The following TG variants were observed in gnomAD, a reference collection of about 807,000 sequenced individuals.
TG encodes thyroid hormones.
Under a neutral mutation model 324.7 loss-of-function variants are expected in TG, and 270 were observed. That is an observed-to-expected ratio of 0.83 (90% CI 0.75 to 0.92). The LOEUF is 0.92. Ranked by LOEUF, TG falls within the 40% of genes least tolerant of loss-of-function variation. The pLI is 0.00. For synonymous variants in TG, 1,401 were observed against 1,327.0 expected, an observed-to-expected ratio of 1.06 and a Z score of -1.21; for missense variants, 3,591 against 3,456.4, an observed-to-expected ratio of 1.04 and a Z score of -0.98.
chr8:133,037,547 A>G (rs1336178418), intron 41 of TG: 1 of 152,056 alleles, frequency 6.6e-6, no homozygotes, highest in African/African-American at 2.4e-5. Flanking sequence ...ATCCTAAGCC[A>G]TGAGCTGATT....
Position 133,021,993 on chromosome 8 carries a change from C to G in TG, c.6879C>G (p.Ala2293=). The change falls in exon 40 of 48, where the codon GCC becomes GCG. Residue 2293 remains alanine, a splice_region_variant and synonymous_variant. Transcript: ENST00000220616. ...TCATGTTTCTCCAATACCCACAGGC[C>G]CCTAACGCGTCTGTGCTGGTGTTCT... ...YLNVFIPQNV[A]PNASVLVFFH... 6.2e-7 allele frequency: 1 copy of G among 1,614,108 alleles called. No individual in the cohort carries two copies. The highest frequency in any genetic ancestry group is 1.1e-5 in the South Asian group (1 of 91,070).
intron 41 of TG, chr8:133,073,064 T>C (rs1216333647): frequency 1.3e-5 from 2 of 152,250 alleles, no homozygotes; most frequent in Non-Finnish European, 2.9e-5. Context: ...AGATAGTACA[T>C]GTAAACTTCT....
chr8:132,973,356 G>A (rs1176967571), intron 34 of TG, among the ~76,000 whole-genome samples: 1 of 152,098 alleles, frequency 6.6e-6, no homozygotes, highest in African/African-American at 2.4e-5. Context: ...TGCATATAGA[G>A]TTAGGACTTC....
intron 41 of TG, among the ~76,000 whole-genome samples, chr8:133,067,018 T>A (rs1843130391): frequency 6.6e-6 from 1 of 152,194 alleles, no homozygotes; most frequent in Non-Finnish European, 1.5e-5. Context: ...CCGCCGTGAC[T>A]GTACCCAGTA....
At chr8:133,064,359 A>G (rs1340269159) in intron 41 of TG, among the ~76,000 whole-genome samples, 2 of 152,276 alleles carry the variant, frequency 1.3e-5, no homozygotes, top group East Asian at 3.8e-4. Flanking sequence ...CTACAGGATC[A>G]AGGGAAGACA....
chr8:132,989,636 T>A (rs1459555834), intron 35 of TG, among the ~76,000 whole-genome samples: 1 of 152,228 alleles, frequency 6.6e-6, no homozygotes, highest in Non-Finnish European at 1.5e-5. Context: ...CCAACAGCTT[T>A]TGAACCACAC....
intron 27 of TG, among the ~76,000 whole-genome samples, chr8:132,958,892 TCTC>T (rs1564004383): frequency 6.6e-6 from 1 of 151,996 alleles, no homozygotes; most frequent in Non-Finnish European, 1.5e-5. Flanking sequence ...TATGGTGAGG[TCTC>T]CTCTGCAGTG....
At chr8:133,027,887 G>A (rs1439943490) in intron 40 of TG, among the ~76,000 whole-genome samples, 4 of 152,140 alleles carry the variant, frequency 2.6e-5, no homozygotes, top group Admixed American at 1.3e-4. Flanking sequence ...ATGTTGGACC[G>A]TAATTGCTTG....
chr8:133,127,308 T>C (rs910697000), intron 45 of TG, among the ~76,000 whole-genome samples: 6 of 152,172 alleles, frequency 3.9e-5, no homozygotes, highest in Non-Finnish European at 7.3e-5. Context: ...AGCTGAGAAC[T>C]TGTGCAATGG....
intron 41 of TG, chr8:133,074,897 G>A: frequency 1.0e-6 from 1 of 985,556 alleles, no homozygotes; most frequent in Non-Finnish European, 1.2e-6. Context: ...TCTGCAGAGG[G>A]ATTGCTGGGT....
rs145504403 is a variant in TG at position 132,919,910 on chromosome 8, T to C, written c.4528+385T>C. ...GTGTTGCCTCATTCAGTGCTCCCAA[T>C]ACCTCTTCCAATATTAGTAGCCCAG... On this transcript the variant is annotated intron_variant, in intron 21 of 47. Transcript: ENST00000220616. 9.2e-5 allele frequency among the ~76,000 whole-genome samples: 14 copies of C among 152,338 alleles called. No homozygotes were observed. In the East Asian group the frequency reaches 2.3e-3, roughly 25 times the overall value.
chr8:133,080,057 A>G (rs191139844), intron 41 of TG, among the ~76,000 whole-genome samples: 265 of 152,270 alleles, frequency 1.7e-3, no homozygotes, highest in Non-Finnish European at 2.9e-3. Flanking sequence ...GAGTAAAGTC[A>G]TAGAAGGGAA....
At chr8:133,051,203 T>C (rs927627653) in intron 41 of TG, among the ~76,000 whole-genome samples, 3 of 152,256 alleles carry the variant, frequency 2.0e-5, no homozygotes, top group Non-Finnish European at 4.4e-5. Context: ...AGTCATGGGG[T>C]CTGGCTTCAG....
intron 23 of TG, 42 bp from the exon 24 acceptor site, chr8:132,933,519 C>G (rs555314691): frequency 6.3e-7 from 1 of 1,589,462 alleles, no homozygotes; most frequent in East Asian, 2.2e-5. Context: ...CTCAGCATCC[C>G]CCGGGAAAGC....
intron 35 of TG, among the ~76,000 whole-genome samples, chr8:133,004,511 G>T (rs1833850101): frequency 6.6e-6 from 1 of 152,152 alleles, no homozygotes; most frequent in Non-Finnish European, 1.5e-5. Flanking sequence ...TATGGTCTGG[G>T]GGAGTATCCT....
intron 34 of TG, among the ~76,000 whole-genome samples, chr8:132,982,282 C>T (rs1830964022): frequency 6.6e-6 from 1 of 152,116 alleles, no homozygotes; most frequent in Non-Finnish European, 1.5e-5. Context: ...ACCCGGGAGC[C>T]CCTACTTTTG....
rs1472210977 is a variant in TG, at chr8:133,017,985, C to T, written c.6770C>T (p.Ala2257Val). 4.3e-6 allele frequency: 7 copies of T among 1,613,978 alleles called. No individual in the cohort carries two copies. The highest frequency in any genetic ancestry group is 1.3e-5 in the African/African-American group (1 of 74,914). ...TTGAACTGGACAGGCTCCTGGGATG[C>T]CAGCAAGCCAAGGTATGGGTTGAGT... Reference protein sequence around the residue: ...EPLNWTGSWDASKPRASCWQP... With the variant: ...EPLNWTGSWDVSKPRASCWQP... The change falls in exon 38 of 48, where the codon GCC (alanine) becomes GTC (valine). Residue 2257 changes from alanine to valine, a missense_variant. Ala to Val is a moderately conservative substitution (Grantham distance 64, BLOSUM62 0). Transcript: ENST00000220616.
intron 35 of TG, among the ~76,000 whole-genome samples, chr8:132,987,064 A>T (rs770961896): frequency 2.0e-5 from 3 of 151,000 alleles, no homozygotes; most frequent in Admixed American, 6.6e-5. Context: ...CTACAAAAGA[A>T]AAAAAAAAAG....
At chr8:133,026,444 G>C (rs975312135) in intron 40 of TG, among the ~76,000 whole-genome samples, 1 of 152,198 alleles carries the variant, frequency 6.6e-6, no homozygotes, top group African/African-American at 2.4e-5. Flanking sequence ...CAGTTGCTGG[G>C]TGAAGGGAGG....
Sources: allele counts gnomAD v4.1 joint callset (sites outside exome capture counted in the v4.1 genomes callset), GRCh38; gene constraint gnomAD v4.1.1; transcripts MANE v1.5; gene names NCBI Gene and HGNC (gene_info 2026-07-23, HGNC 2026-07-21).